Variants in ATP6V0A4 observed in about 807,000 individuals in gnomAD.
ATP6V0A4 encodes V-type proton ATPase 116 kDa subunit a 4.
In ATP6V0A4, 86 loss-of-function variants were observed where a neutral mutation model predicts 107.3. The ratio of observed to expected loss-of-function variants is 0.80; its 90% CI spans 0.67 to 0.96. ATP6V0A4 has a LOEUF of 0.96. Among genes scored for constraint, ATP6V0A4 ranks in the 40% least tolerant of loss-of-function variants. The pLI, the probability that ATP6V0A4 is intolerant of heterozygous loss-of-function variation, is 0.00. For synonymous variants in ATP6V0A4, 353 were observed against 381.4 expected (o/e 0.93, Z 0.87); for missense variants, 908 against 1,045.6 (o/e 0.87, Z 1.81).
chr7:138,724,371 G>GT (rs1804603742), intron 18 of ATP6V0A4, among the ~76,000 whole-genome samples: 2 of 152,090 alleles, frequency 1.3e-5, no homozygotes, highest in Non-Finnish European at 1.5e-5. Context: ...ATATCATGAG[G>GT]GCCTTGTATG....
At chr7:138,765,443 T>C (rs1474878520) in intron 5 of ATP6V0A4, among the ~76,000 whole-genome samples, 1 of 152,204 alleles carries the variant, frequency 6.6e-6, no homozygotes, top group Non-Finnish European at 1.5e-5. Flanking sequence ...TATAGCTGCA[T>C]GAGAATAAAG....
At chr7:138,792,079 T>C (rs990857503) in intron 1 of ATP6V0A4, among the ~76,000 whole-genome samples, 4 of 151,964 alleles carry the variant, frequency 2.6e-5, no homozygotes, top group African/African-American at 2.4e-5. Context: ...GAGGCCGAGG[T>C]GGGCAGATCA....
intron 19 of ATP6V0A4, among the ~76,000 whole-genome samples, chr7:138,717,482 T>C (rs1401414229): frequency 6.6e-6 from 1 of 150,868 alleles, no homozygotes; most frequent in Admixed American, 6.6e-5. Context: ...GAGGTGGAGG[T>C]TGCAGTGAGC....
chr7:138,718,523 A>C, intron 19 of ATP6V0A4, among the ~76,000 whole-genome samples: 1 of 115,976 alleles, frequency 8.6e-6, no homozygotes, highest in Admixed American at 1.0e-4. Flanking sequence ...TCCAGGAAGG[A>C]ATGGGGCGGG....
chr7:138,707,160 A>ATG (rs1562972351), intron 21 of ATP6V0A4, among the ~76,000 whole-genome samples: 1 of 77,776 alleles, frequency 1.3e-5, no homozygotes, highest in Non-Finnish European at 2.3e-5. Flanking sequence ...ATTAATATAT[A>ATG]ATATATTATA....
intron 21 of ATP6V0A4, among the ~76,000 whole-genome samples, chr7:138,707,160 A>T (rs369911383): frequency 1.3e-5 from 1 of 77,776 alleles, no homozygotes; most frequent in East Asian, 3.0e-4. Context: ...ATTAATATAT[A>T]ATATATTATA....
chr7:138,789,125 G>A (rs1280561826), intron 1 of ATP6V0A4, among the ~76,000 whole-genome samples: 1 of 152,002 alleles, frequency 6.6e-6, no homozygotes, highest in African/African-American at 2.4e-5. Context: ...GGATATGTCT[G>A]TACATTCCAT....
intron 2 of ATP6V0A4, among the ~76,000 whole-genome samples, chr7:138,785,436 C>T (rs935730850): frequency 2.0e-5 from 3 of 151,928 alleles, no homozygotes; most frequent in South Asian, 2.1e-4. Flanking sequence ...CCACCACGCC[C>T]GGTTAATTTT....
chr7:138,770,253 GGGA>G (rs1807314009), intron 3 of ATP6V0A4, among the ~76,000 whole-genome samples: 3 of 151,746 alleles, frequency 2.0e-5, no homozygotes, highest in Non-Finnish European at 4.4e-5. Flanking sequence ...AAGGAAGAGA[GGGA>G]GGGGAAGGAA....
intron 2 of ATP6V0A4, among the ~76,000 whole-genome samples, chr7:138,782,450 C>T (rs1467153775): frequency 6.6e-6 from 1 of 152,170 alleles, no homozygotes; most frequent in African/African-American, 2.4e-5. Flanking sequence ...TCAGATCCTC[C>T]GGATTAGAAC....
In ATP6V0A4 at chr7:138,768,866, C is replaced by G. The variant is rs1354681809; in HGVS notation, c.205G>C (p.Glu69Gln). The change falls in exon 5 of 22, where the codon GAA (glutamate) becomes CAA (glutamine). Residue 69 changes from glutamate to glutamine, a missense_variant. Physicochemically the swap from Glu to Gln is conservative, Grantham distance 29. Transcript: ENST00000310018. Reference sequence around the variant, plus strand: ...ACAATCTCATTTTGCATCTCGTCTTCCAGAAAACCTGAAGAATGAAAACCC... The same window carrying G: ...ACAATCTCATTTTGCATCTCGTCTTGCAGAAAACCTGAAGAATGAAAACCC... ...ESLERILRFLEDEMQNEIVVQ... is the reference protein window; with the variant it reads ...ESLERILRFLQDEMQNEIVVQ... 1.9e-6 allele frequency: 3 copies of G among 1,614,108 alleles called. No individual in the cohort carries two copies. Among genetic ancestry groups the G allele is most frequent in the Non-Finnish European group, 2.5e-6 (3 of 1,180,012 alleles).
intron 19 of ATP6V0A4, among the ~76,000 whole-genome samples, 156 bp downstream of exon 19, chr7:138,721,741 C>T (rs1459543490): frequency 2.6e-5 from 4 of 152,162 alleles, no homozygotes; most frequent in Non-Finnish European, 4.4e-5. Flanking sequence ...GCTAGTAGGT[C>T]CCCTTCCCTG....
Position 138,706,644 on chromosome 7 carries a change from C to A in ATP6V0A4, c.2503G>T (p.Asp835Tyr), listed in dbSNP as rs1803380261. Residue 835 changes from aspartate to tyrosine, a missense_variant, in exon 22 of 22, where the codon GAT becomes TAT. By Grantham distance (160) the Asp-to-Tyr change is radical (BLOSUM62 -3). Coordinates refer to ENST00000310018, the MANE Select transcript of ATP6V0A4 (RefSeq NM_020632.3). ...TCAGCCTACTCCTCGGCTGTGCCAT[C>A]CAGGATGTGTTTAAAGGAGAATGGA... ...FSPFSFKHIL[D>Y]GTAEE The A allele has an allele frequency of 1.2e-6, 2 of 1,613,972 alleles. No individual in the cohort carries two copies. Among genetic ancestry groups the A allele is most frequent in the Non-Finnish European group, 1.7e-6 (2 of 1,179,964 alleles).
At chr7:138,719,382 G>C (rs1804314730) in intron 19 of ATP6V0A4, among the ~76,000 whole-genome samples, 1 of 152,110 alleles carries the variant, frequency 6.6e-6, no homozygotes, top group African/African-American at 2.4e-5. Flanking sequence ...AGTTGAAGTG[G>C]GGTCTGGCCA....
In ATP6V0A4 at chr7:138,762,322, C is replaced by T. The variant is rs757276907; in HGVS notation, c.512+18G>A. 7 of 1,613,852 alleles carry T rather than the reference C, an allele frequency of 4.3e-6. No homozygotes were observed. The highest frequency in any genetic ancestry group is 5.1e-6 in the Non-Finnish European group (6 of 1,179,852). On this transcript the variant is annotated intron_variant, in intron 7 of 21. Transcript: ENST00000310018. ...CGCCAGGACCAGGGACCCATCTACACACAAGAATTACACTAACCCCAACTT... is the reference window on the plus strand; with the variant it reads ...CGCCAGGACCAGGGACCCATCTACATACAAGAATTACACTAACCCCAACTT...
At chr7:138,735,995 G>T (rs1805298863) in intron 15 of ATP6V0A4, among the ~76,000 whole-genome samples, 1 of 152,088 alleles carries the variant, frequency 6.6e-6, no homozygotes, top group African/African-American at 2.4e-5. Context: ...TTGAACCCAG[G>T]AGGTGGAGGC....
rs1329759992 is a variant in ATP6V0A4, at chr7:138,773,757, C to G, written c.-17-2493G>C. On this transcript the variant is annotated intron_variant, in intron 2 of 21. Transcript: ENST00000310018. This position sits in a 1 kb window ranked among gnomAD's most constrained non-coding sequence, Gnocchi z 5.4. ...TAACTACAGCCAAGTGAACATAGAC[C>G]AGAGACCCAAGGCATTCACTTTATG... The G allele has an allele frequency of 3.9e-5, 6 of 152,276 alleles. No individual in the cohort carries two copies. The highest frequency in any genetic ancestry group is 1.2e-4 in the African/African-American group (5 of 41,446). 9.4% of individuals were successfully genotyped at this position (152,276 alleles called of 1,614,324 possible). A position where few individuals can be genotyped will look rare whatever the true frequency, so the allele number is the denominator to read the frequency against.
intron 2 of ATP6V0A4, among the ~76,000 whole-genome samples, chr7:138,784,261 T>C (rs1441481061): frequency 0.064 from 2,413 of 37,540 alleles, 161 homozygotes; most frequent in African/African-American, 0.16. Flanking sequence ...TACATATATA[T>C]ATATACATAT....
intron 16 of ATP6V0A4, 61 bp downstream of exon 16, chr7:138,734,075 G>A: frequency 6.5e-7 from 1 of 1,541,228 alleles, no homozygotes; most frequent in South Asian, 1.1e-5. Flanking sequence ...CAGTGGCTCT[G>A]TCACCATTCA....
Sources: gnomAD v4.1 joint callset for allele counts (sites outside exome capture counted in the v4.1 genomes callset) on GRCh38, gnomAD v4.1.1 for gene constraint, Gnocchi (gnomAD v3.1) non-coding constraint, MANE v1.5 for transcripts, NCBI Gene and HGNC (gene_info 2026-07-23, HGNC 2026-07-21) for gene names.